Variants in TPPP observed in about 807,000 individuals in gnomAD.
TPPP encodes tubulin polymerization promoting protein.
TPPP carries 6 observed loss-of-function variants against 15.5 expected under a neutral mutation model. The ratio of observed to expected loss-of-function variants is 0.39; its 90% confidence interval spans 0.21 to 0.77. TPPP has a LOEUF of 0.77. TPPP is among the 30% of genes least tolerant of loss of function. The probability of loss-of-function intolerance (pLI) is 0.42; values close to 1 mark genes in which losing one functional copy is unlikely to be tolerated. For missense variants in TPPP, 269 were observed against 307.2 expected, an observed-to-expected ratio of 0.88 and a Z score of 0.93; for synonymous variants, 146 against 133.9, an observed-to-expected ratio of 1.09 and a Z score of -0.63.
chr5:699,566 A>G, the TPPP span, among the ~76,000 whole-genome samples: 4 of 152,076 alleles, frequency 2.6e-5, no homozygotes, highest in Non-Finnish European at 5.9e-5. Flanking sequence ...TAGGCAAAGA[A>G]TTTATGAACA....
chr5:679,404 G>C (rs1740557732), intron 1 of TPPP, among the ~76,000 whole-genome samples: 1 of 111,576 alleles, frequency 9.0e-6, no homozygotes, highest in South Asian at 3.7e-4. Context: ...CGTGGGGGCA[G>C]GATCCTGGGG....
At chr5:679,279 G>A (rs1412467908) in intron 1 of TPPP, among the ~76,000 whole-genome samples, 40 of 152,102 alleles carry the variant, frequency 2.6e-4, no homozygotes, top group Middle Eastern at 3.4e-3. Context: ...CCTCCACTGA[G>A]GACCTTAAGG....
intron 1 of TPPP, 98 bp from the exon 2 acceptor site, chr5:678,162 C>T (rs1186071294): frequency 1.1e-5 from 14 of 1,323,700 alleles, no homozygotes; most frequent in Admixed American, 5.8e-5. Context: ...AGCACCAGGA[C>T]GTGGCGAGGG....
At chr5:697,420 A>T (rs414204), upstream of TPPP, among the ~76,000 whole-genome samples, 8 of 151,290 alleles carry the variant, frequency 5.3e-5, no homozygotes, top group African/African-American at 1.9e-4. Context: ...GCGTGCTGGG[A>T]AGAAAAGATG....
chr5:660,953 TAGAAG>T lies in TPPP; in HGVS notation c.*4144_*4148del, dbSNP rs1739566832. The T allele has an allele frequency of 6.6e-6, 1 of 152,298 alleles. No individual in the cohort carries two copies. The highest frequency in any genetic ancestry group is 2.4e-5 in the African/African-American group (1 of 41,450). 9.4% of individuals were successfully genotyped at this position (152,298 alleles called of 1,614,324 possible). On this transcript the variant is annotated 3_prime_UTR_variant, in exon 4 of 4. Transcript: ENST00000360578. ...CTGCGCCCAAACTTGGACAGGATAT[TAGAAG>T]GTGTAAAAGTAGTCCAGTATAAATA... is the stretch of plus-strand genomic sequence containing the variant.
At position 660,637 on chromosome 5, in the gene TPPP, C is replaced by T. The variant is rs1561073663; in HGVS notation, c.*4465G>A. The T allele has an allele frequency of 6.6e-6, 1 of 152,360 alleles. No homozygotes were observed. The highest frequency in any genetic ancestry group is 1.5e-5 in the Non-Finnish European group (1 of 68,110). The allele number at this position is 152,360 out of a possible 1,614,324, so 9.4% of individuals were successfully genotyped here. ...GAGATGAGCTGGGCCAGTAGAGGGA[C>T]AGGTAAGTGTCCAGGGCCAAGGCAT... On this transcript the variant is annotated 3_prime_UTR_variant, in exon 4 of 4. Coordinates refer to ENST00000360578, the MANE Select transcript of TPPP (RefSeq NM_007030.3).
intron 1 of TPPP, among the ~76,000 whole-genome samples, chr5:685,784 G>A (rs1740750229): frequency 6.6e-6 from 1 of 152,222 alleles, no homozygotes; most frequent in Admixed American, 6.5e-5. Context: ...CTGCACTCAG[G>A]TGTAGGGATG....
intron 2 of TPPP, among the ~76,000 whole-genome samples, chr5:670,959 CAG>C (rs899944330): frequency 6.6e-6 from 1 of 152,216 alleles, no homozygotes; most frequent in Non-Finnish European, 1.5e-5. Flanking sequence ...CTACTTGGCT[CAG>C]AGGATGGATG....
At chr5:696,084 C>A (rs2126920243), upstream of TPPP, among the ~76,000 whole-genome samples, 1 of 109,136 alleles carries the variant, frequency 9.2e-6, no homozygotes, top group South Asian at 3.0e-4. Context: ...CACCCGCGCC[C>A]ACCCCTGCCT....
At chr5:685,901 G>A (rs1740753383) in intron 1 of TPPP, among the ~76,000 whole-genome samples, 1 of 152,150 alleles carries the variant, frequency 6.6e-6, no homozygotes, top group Admixed American at 6.5e-5. Context: ...GTGGGAGGAT[G>A]GAACATTCCA....
At position 685,989 on chromosome 5, in the gene TPPP, T is replaced by C. The variant is rs73030881; in HGVS notation, c.-5+7289A>G. ...CAACTTTGCCACCGAATGGCCACCA[T>C]GGGATGGAGGTGCCAACAGGGCTCC... On this transcript the variant is annotated intron_variant, in intron 1 of 3. Coordinates refer to ENST00000360578, the MANE Select transcript of TPPP (RefSeq NM_007030.3). Among the ~76,000 whole-genome samples, 1,195 of 152,210 alleles carry C rather than the reference T, an allele frequency of 7.9e-3. 15 individuals are homozygous for C. Among genetic ancestry groups the C allele is most frequent in the African/African-American group, 0.028 (1,150 of 41,522 alleles).
chr5:686,130 C>A (rs1740760707), intron 1 of TPPP, among the ~76,000 whole-genome samples: 1 of 152,226 alleles, frequency 6.6e-6, no homozygotes, highest in African/African-American at 2.4e-5. Flanking sequence ...GGGCCAACAC[C>A]ATTTCTCTAA....
At chr5:668,987 A>G (rs1289581029) in intron 2 of TPPP, among the ~76,000 whole-genome samples, 1 of 152,262 alleles carries the variant, frequency 6.6e-6, no homozygotes, top group East Asian at 1.9e-4. Flanking sequence ...GTTCCCATAC[A>G]CTTTACACGC....
intron 2 of TPPP, among the ~76,000 whole-genome samples, chr5:675,415 GTGGCCA>G (rs1740387947): frequency 8.8e-6 from 1 of 113,544 alleles, no homozygotes; most frequent in Non-Finnish European, 2.0e-5. Flanking sequence ...GGGGTGCAGT[GTGGCCA>G]GGGGTGCAGC....
the TPPP span, among the ~76,000 whole-genome samples, chr5:699,350 CAGGAAATGACACTG>C: frequency 5.9e-5 from 9 of 151,452 alleles, 1 homozygote; most frequent in South Asian, 2.1e-4. Flanking sequence ...CAATAAAAAT[CAGGAAATGACACTG>C]AGGAAATGAC....
upstream of TPPP, among the ~76,000 whole-genome samples, chr5:696,762 G>T (rs1358005247): frequency 1.2e-5 from 1 of 82,514 alleles, no homozygotes; most frequent in African/African-American, 4.2e-5. Flanking sequence ...ATGCATGCGT[G>T]TGTTTGTGCA....
In TPPP at chr5:660,842, G is replaced by A. The variant is rs1739561944; in HGVS notation, c.*4260C>T. Reference sequence around the variant, plus strand: ...GCAGGGCTGCTGTGGTCAGCCCTGAGCTGGCATCCCTGGGGCCCGGGATGG... The same window carrying A: ...GCAGGGCTGCTGTGGTCAGCCCTGAACTGGCATCCCTGGGGCCCGGGATGG... On this transcript the variant is annotated 3_prime_UTR_variant, in exon 4 of 4. Coordinates refer to ENST00000360578, the MANE Select transcript of TPPP (RefSeq NM_007030.3). The A allele has an allele frequency of 6.6e-6, 1 of 152,228 alleles. No homozygotes were observed. Among genetic ancestry groups the A allele is most frequent in the Non-Finnish European group, 1.5e-5 (1 of 68,034 alleles). The allele number at this position is 152,228 out of a possible 1,614,324, so 9.4% of individuals were successfully genotyped here. A position where few individuals can be genotyped will look rare whatever the true frequency, so the allele number is the denominator to read the frequency against.
intron 2 of TPPP, among the ~76,000 whole-genome samples, chr5:671,967 A>C (rs1740239108): frequency 6.6e-6 from 1 of 152,152 alleles, no homozygotes; most frequent in Non-Finnish European, 1.5e-5. Flanking sequence ...AGGGAAGCTG[A>C]CACCTGCTTT....
At chr5:674,600 A>ACTG in intron 2 of TPPP, among the ~76,000 whole-genome samples, 1 of 152,082 alleles carries the variant, frequency 6.6e-6, no homozygotes, top group East Asian at 1.9e-4. Flanking sequence ...AGCCCAGGTC[A>ACTG]CTGCTGCCTG....
Sources: gnomAD v4.1 joint callset for allele counts (sites outside exome capture counted in the v4.1 genomes callset) on GRCh38, gnomAD v4.1.1 for gene constraint, MANE v1.5 for transcripts, NCBI Gene and HGNC (gene_info 2026-07-23, HGNC 2026-07-21) for gene names.